Variants in RAB11B observed in about 807,000 individuals in gnomAD.
RAB11B encodes the protein RAB11B, member RAS oncogene family.
RAB11B carries 7 observed loss-of-function variants against 23.7 expected under a neutral mutation model. The observed-to-expected ratio is 0.29, with a 90% CI of 0.17 to 0.55. The LOEUF (loss-of-function observed/expected upper bound fraction) is 0.55, where lower values mean the gene tolerates loss of function less well. Ranked by LOEUF, RAB11B falls within the 20% of genes least tolerant of loss-of-function variation. The pLI is 0.93. For missense variants in RAB11B, 189 were observed against 320.0 expected (o/e 0.59, Z 3.12); for synonymous variants, 138 against 132.0 (o/e 1.05, Z -0.31).
chr19:8,398,762 C>G (rs779904496), intron 1 of RAB11B, among the ~76,000 whole-genome samples: 1 of 152,070 alleles, frequency 6.6e-6, no homozygotes, highest in African/African-American at 2.4e-5. Flanking sequence ...CAGCTGCCTA[C>G]TCGTGTCCCT....
chr19:8,401,681 G>A (rs913387066), intron 2 of RAB11B, among the ~76,000 whole-genome samples: 31 of 151,222 alleles, frequency 2.0e-4, no homozygotes, highest in Middle Eastern at 3.4e-3. Flanking sequence ...CACGACCCCC[G>A]GCCAATTTTT....
chr19:8,395,271 C>CTT (rs201774881), intron 1 of RAB11B, among the ~76,000 whole-genome samples: 2 of 94,056 alleles, frequency 2.1e-5, no homozygotes, highest in Non-Finnish European at 4.3e-5. Context: ...TTCCATCTTT[C>CTT]TTTTTTTTTT....
rs1334582948 is a variant in RAB11B, at chr19:8,404,013, C to T, written c.*455C>T. 1 of 160,120 alleles carries T rather than the reference C, an allele frequency of 6.2e-6. No homozygotes were observed. The highest frequency in any genetic ancestry group is 2.4e-5 in the African/African-American group (1 of 41,556). 9.9% of individuals were successfully genotyped at this position (160,120 alleles called of 1,614,324 possible). A position where few individuals can be genotyped will look rare whatever the true frequency, so the allele number is the denominator to read the frequency against. ...GGCAGCGGGGGCCGGGGCAGGCGGA[C>T]CCCCCGGGCTCTCAGCGCCCACCCG... On this transcript the variant is annotated 3_prime_UTR_variant, in exon 5 of 5. Transcript: ENST00000328024.
chr19:8,402,352 G>A (rs2145513500), intron 3 of RAB11B, 73 bp downstream of exon 3: 2 of 1,525,544 alleles, frequency 1.3e-6, no homozygotes, highest in Non-Finnish European at 1.8e-6. Flanking sequence ...TTGGGGCCCT[G>A]GCCACAGCCC....
Position 8,403,743 on chromosome 19 carries a change from C to T in RAB11B, c.*185C>T. Reference sequence around the variant, plus strand: ...CTACCCCGTCCTGCCCGGGGAAAAGCTAGAAGCCCCGGTTTGCTGCACCCA... The same window carrying T: ...CTACCCCGTCCTGCCCGGGGAAAAGTTAGAAGCCCCGGTTTGCTGCACCCA... On this transcript the variant is annotated 3_prime_UTR_variant, in exon 5 of 5. Coordinates refer to ENST00000328024, the MANE Select transcript of RAB11B (RefSeq NM_004218.4). 1 of 823,636 alleles carries T rather than the reference C, an allele frequency of 1.2e-6. No homozygotes were observed. Among genetic ancestry groups the T allele is most frequent in the Non-Finnish European group, 1.8e-6 (1 of 566,886 alleles). 51.0% of individuals were successfully genotyped at this position (823,636 alleles called of 1,614,324 possible).
intron 2 of RAB11B, among the ~76,000 whole-genome samples, chr19:8,401,215 G>C (rs1161448832): frequency 6.6e-6 from 1 of 151,950 alleles, no homozygotes; most frequent in Non-Finnish European, 1.5e-5. Context: ...TGAGCAGCTG[G>C]GACTACAGGC....
intron 2 of RAB11B, among the ~76,000 whole-genome samples, 170 bp from the exon 3 acceptor site, chr19:8,401,916 G>A (rs997609331): frequency 1.3e-5 from 2 of 152,196 alleles, no homozygotes; most frequent in Admixed American, 1.3e-4. Flanking sequence ...TGGATCCAGG[G>A]AGCAGCGCTG....
chr19:8,402,406 G>A, intron 3 of RAB11B, 79 bp from the exon 4 acceptor site: 1 of 1,559,560 alleles, frequency 6.4e-7, no homozygotes, highest in South Asian at 1.1e-5. Flanking sequence ...GGGCCAGGTG[G>A]GTGGGCGGGG....
At chr19:8,399,771 G>A (rs915911984) in intron 1 of RAB11B, 92 bp from the exon 2 acceptor site, 5 of 1,449,058 alleles carry the variant, frequency 3.5e-6, no homozygotes, top group East Asian at 2.3e-5. Context: ...TGGCAGCCGC[G>A]TTGGTGCAGC....
chr19:8,390,929 C>A (rs2145504584), intron 1 of RAB11B, among the ~76,000 whole-genome samples: 1 of 128,286 alleles, frequency 7.8e-6, no homozygotes, highest in East Asian at 2.2e-4. Flanking sequence ...CTGATTGGGG[C>A]AGCGTGTTTG....
rs1332380989 is a variant in RAB11B, at chr19:8,402,072, C to A, written c.237-14C>A. 6.4e-7 allele frequency: 1 copy of A among 1,569,848 alleles called. No individual in the cohort carries two copies. The highest frequency in any genetic ancestry group is 1.4e-5 in the African/African-American group (1 of 74,056). On this transcript the variant is annotated splice_polypyrimidine_tract_variant and intron_variant, in intron 2 of 4. Transcript: ENST00000328024. ...TTGTCCTCCAGAGAGGCTCATGGGC[C>A]CCTGACCCTGCAGGTACTACCGTGG... is the stretch of plus-strand genomic sequence containing the variant.
intron 1 of RAB11B, among the ~76,000 whole-genome samples, chr19:8,391,378 C>G (rs35328653): frequency 0.096 from 14,589 of 152,284 alleles, 961 homozygotes; most frequent in Middle Eastern, 0.16. Flanking sequence ...TCTTCCAACA[C>G]GTGCGCACTG....
At chr19:8,399,690 C>T (rs1321829978) in intron 1 of RAB11B, among the ~76,000 whole-genome samples, 173 bp from the exon 2 acceptor site, 1 of 152,244 alleles carries the variant, frequency 6.6e-6, no homozygotes, top group Admixed American at 6.5e-5. Context: ...AGCCTGCCTT[C>T]ACTTCTGCAC....
At chr19:8,399,146 G>A (rs1971418707) in intron 1 of RAB11B, among the ~76,000 whole-genome samples, 3 of 151,930 alleles carry the variant, frequency 2.0e-5, no homozygotes, top group South Asian at 2.1e-4. Flanking sequence ...GTGGAGATGG[G>A]GTTTCACCAC....
At chr19:8,403,385 C>T in intron 4 of RAB11B, 28 bp from the exon 5 acceptor site, 2 of 1,591,234 alleles carry the variant, frequency 1.3e-6, no homozygotes, top group South Asian at 1.1e-5. Context: ...GCTGGCTCAC[C>T]CCACGTCCCC....
At chr19:8,399,413 G>A (rs997237897) in intron 1 of RAB11B, among the ~76,000 whole-genome samples, 1 of 152,160 alleles carries the variant, frequency 6.6e-6, no homozygotes, top group African/African-American at 2.4e-5. Context: ...TCCTCCTCCT[G>A]TGACTGCCTT....
intron 4 of RAB11B, chr19:8,402,950 A>G: frequency 4.9e-6 from 2 of 410,356 alleles, no homozygotes; most frequent in South Asian, 3.0e-5. Flanking sequence ...GGCGTGAGCC[A>G]CTGCACCTGG....
At chr19:8,392,877 G>A (rs995128356) in intron 1 of RAB11B, among the ~76,000 whole-genome samples, 1 of 151,550 alleles carries the variant, frequency 6.6e-6, no homozygotes, top group African/African-American at 2.4e-5. Flanking sequence ...AGTAGATACG[G>A]GGTTTCACCA....
Position 8,404,374 on chromosome 19 carries a change from T to TGCCCCGTCCCCGTC in RAB11B, c.*817_*830dup, listed in dbSNP as rs1971464255. 1.3e-5 allele frequency: 2 copies of TGCCCCGTCCCCGTC among 152,238 alleles called. No homozygotes were observed. Among genetic ancestry groups the TGCCCCGTCCCCGTC allele is most frequent in the Non-Finnish European group, 2.9e-5 (2 of 68,092 alleles). The allele number at this position is 152,238 out of a possible 1,614,324, so 9.4% of individuals were successfully genotyped here. On this transcript the variant is annotated 3_prime_UTR_variant, in exon 5 of 5. Coordinates refer to ENST00000328024, the MANE Select transcript of RAB11B (RefSeq NM_004218.4). ...CTTCTCCCTGTGGCCCCTGCGCTGT[T>TGCCCCGTCCCCGTC]GCCCCGTCCCCGTCACCCCGCCCGT...
Sources: allele counts gnomAD v4.1 joint callset (sites outside exome capture counted in the v4.1 genomes callset), GRCh38; gene constraint gnomAD v4.1.1; transcripts MANE v1.5; gene names NCBI Gene and HGNC (gene_info 2026-07-23, HGNC 2026-07-21).